Variants in GMDS observed in about 807,000 individuals in gnomAD.
GMDS encodes the protein GDP-mannose 4,6 dehydratase.
In GMDS, 20 loss-of-function variants were observed where a neutral mutation model predicts 49.9. That is an observed-to-expected ratio of 0.40 (90% CI 0.28 to 0.58). The LOEUF (loss-of-function observed/expected upper bound fraction) is 0.58. Among genes scored for constraint, GMDS ranks in the 20% least tolerant of loss-of-function variants. The pLI is 0.42. For missense variants in GMDS, 362 were observed against 481.4 expected (o/e 0.75, Z 2.32); for synonymous variants, 177 against 178.6 (o/e 0.99, Z 0.07).
At chr6:1,671,997 G>A (rs1176290673) in intron 9 of GMDS, among the ~76,000 whole-genome samples, 1 of 152,014 alleles carries the variant, frequency 6.6e-6, no homozygotes, top group Non-Finnish European at 1.5e-5. Context: ...ACTTTTAGTG[G>A]CAAAAATTGT....
intron 4 of GMDS, among the ~76,000 whole-genome samples, chr6:2,046,599 A>C (rs1471254466): frequency 6.6e-6 from 1 of 152,082 alleles, no homozygotes; most frequent in African/African-American, 2.4e-5. Flanking sequence ...AGCTGGGACT[A>C]CAAGCAGGTG....
At chr6:1,662,341 T>G (rs1039542508) in intron 9 of GMDS, among the ~76,000 whole-genome samples, 1 of 152,038 alleles carries the variant, frequency 6.6e-6, no homozygotes, top group Non-Finnish European at 1.5e-5. Context: ...ACTCTGGACG[T>G]TGGAAACAGT....
chr6:2,118,018 G>A (rs940134283), intron 2 of GMDS, among the ~76,000 whole-genome samples: 9 of 152,122 alleles, frequency 5.9e-5, no homozygotes, highest in African/African-American at 1.7e-4. Flanking sequence ...TGTATTTCTG[G>A]AGCCACAGAC....
chr6:1,733,481 G>A (rs374326619), intron 8 of GMDS, among the ~76,000 whole-genome samples: 2 of 152,196 alleles, frequency 1.3e-5, no homozygotes, highest in East Asian at 1.9e-4. Flanking sequence ...GAGGGACCCC[G>A]ATTCTGAAGG....
Position 2,080,830 on chromosome 6 carries a change from C to T in GMDS, c.345+34941G>A, listed in dbSNP as rs572138379. On this transcript the variant is annotated intron_variant, in intron 4 of 10. Coordinates refer to ENST00000380815, the MANE Select transcript of GMDS (RefSeq NM_001500.4). ...AAGATTAATTCTGGTGTCATCAGAGCTGAATTACAATACCATTCCTGTCAC... is the reference window on the plus strand; with the variant it reads ...AAGATTAATTCTGGTGTCATCAGAGTTGAATTACAATACCATTCCTGTCAC... Among the ~76,000 whole-genome samples the T allele has an allele frequency of 2.0e-5, 3 of 152,298 alleles. No individual in the cohort carries two copies. The East Asian group carries it at 5.8e-4, about 29-fold the overall frequency.
rs1234560079 is a variant in GMDS at position 1,624,362 on chromosome 6, G to A, written c.1056+110C>T. 5.4e-6 allele frequency: 7 copies of A among 1,291,842 alleles called. No individual in the cohort carries two copies. The African/African-American group carries it at 8.8e-5, about 16-fold the overall frequency. The allele number at this position is 1,291,842 out of a possible 1,614,324, so 80.0% of individuals were successfully genotyped here. A position where few individuals can be genotyped will look rare whatever the true frequency, so the allele number is the denominator to read the frequency against. ...GCTCCCCTCACTTCTCCCGCACCCCGCCTTCCGGGCTTTGGGCATCGCAGG... is the reference window on the plus strand; with the variant it reads ...GCTCCCCTCACTTCTCCCGCACCCCACCTTCCGGGCTTTGGGCATCGCAGG... On this transcript the variant is annotated intron_variant, in intron 10 of 10. Coordinates refer to ENST00000380815, the MANE Select transcript of GMDS (RefSeq NM_001500.4).
At chr6:2,017,955 G>T (rs1382507419) in intron 4 of GMDS, among the ~76,000 whole-genome samples, 2 of 152,076 alleles carry the variant, frequency 1.3e-5, no homozygotes, top group Admixed American at 6.6e-5. Flanking sequence ...ACTTGGTAAA[G>T]AATTAAGCTT....
chr6:1,919,146 TGATTAAAGATAAAGAGG>T (rs1253947515), intron 7 of GMDS, among the ~76,000 whole-genome samples: 1 of 152,152 alleles, frequency 6.6e-6, no homozygotes, highest in East Asian at 1.9e-4. Flanking sequence ...TTGGGAGGGA[TGATTAAAGATAAAGAGG>T]GATAGGATCC....
chr6:1,746,745 A>T (rs1196678572), intron 7 of GMDS, among the ~76,000 whole-genome samples: 1 of 152,012 alleles, frequency 6.6e-6, no homozygotes, highest in Non-Finnish European at 1.5e-5. Flanking sequence ...TCTGTCGCCC[A>T]GGCTGGAGTA....
chr6:1,996,126 C>T (rs1426441759), intron 4 of GMDS, among the ~76,000 whole-genome samples: 1 of 151,316 alleles, frequency 6.6e-6, no homozygotes, highest in Non-Finnish European at 1.5e-5. Context: ...CCTCCTCCTT[C>T]CTCCTTCCTC....
At chr6:1,733,976 G>A (rs751811899) in intron 8 of GMDS, among the ~76,000 whole-genome samples, 2 of 152,214 alleles carry the variant, frequency 1.3e-5, no homozygotes, top group African/African-American at 2.4e-5. Context: ...GCATCGGGGC[G>A]ACCTGCTAGT....
chr6:1,730,335 A>C (rs1766741982), intron 8 of GMDS, among the ~76,000 whole-genome samples: 1 of 152,252 alleles, frequency 6.6e-6, no homozygotes, highest in Non-Finnish European at 1.5e-5. Context: ...TGGAAGCTGG[A>C]AAGCAGATGG....
At chr6:1,787,794 G>A (rs1483092959) in intron 7 of GMDS, among the ~76,000 whole-genome samples, 6 of 152,314 alleles carry the variant, frequency 3.9e-5, no homozygotes, top group African/African-American at 1.4e-4. Context: ...GATTTTGTTT[G>A]GAATATTTTT....
chr6:1,971,264 T>C (rs1315223941), intron 4 of GMDS, among the ~76,000 whole-genome samples: 1 of 152,188 alleles, frequency 6.6e-6, no homozygotes, highest in Non-Finnish European at 1.5e-5. Flanking sequence ...ACCAGTGCTA[T>C]ACTCCCAGCC....
chr6:2,123,190 C>CCTGTCA (rs1275583463), intron 2 of GMDS, among the ~76,000 whole-genome samples: 1 of 152,136 alleles, frequency 6.6e-6, no homozygotes, highest in Non-Finnish European at 1.5e-5. Flanking sequence ...CCAAACTCGC[C>CCTGTCA]CTGTCACTGT....
At chr6:1,871,877 T>C (rs1032104295) in intron 7 of GMDS, among the ~76,000 whole-genome samples, 1 of 152,252 alleles carries the variant, frequency 6.6e-6, no homozygotes, top group Non-Finnish European at 1.5e-5. Context: ...CTTTTGTGAA[T>C]GAGGACGAAG....
At chr6:2,109,542 T>A (rs549564099) in intron 4 of GMDS, among the ~76,000 whole-genome samples, 1 of 152,156 alleles carries the variant, frequency 6.6e-6, no homozygotes, top group East Asian at 1.9e-4. Flanking sequence ...CTTAGGGTCA[T>A]GTAGTGAGCA....
chr6:1,911,533 G>A (rs1236877580), intron 7 of GMDS, among the ~76,000 whole-genome samples: 7 of 150,904 alleles, frequency 4.6e-5, no homozygotes, highest in Non-Finnish European at 1.0e-4. Flanking sequence ...TAATTTCCTT[G>A]TGCCTGTTCT....
At position 2,191,820 on chromosome 6, in the gene GMDS, G is replaced by A. The variant is rs1779032549; in HGVS notation, c.102+53501C>T. On this transcript the variant is annotated intron_variant, in intron 1 of 10. Coordinates refer to ENST00000380815, the MANE Select transcript of GMDS (RefSeq NM_001500.4). This position sits in a 1 kb window ranked among gnomAD's most constrained non-coding sequence, Gnocchi z 4.6. ...ATGGCAGGAAGCAGACAGGCTCCGG[G>A]GTGGAAGGGGGTAGGTCCCTGGTGA... is the stretch of plus-strand genomic sequence containing the variant. Among the ~76,000 whole-genome samples the A allele has an allele frequency of 6.6e-6, 1 of 152,178 alleles. No individual in the cohort carries two copies. Among genetic ancestry groups the A allele is most frequent in the Non-Finnish European group, 1.5e-5 (1 of 68,016 alleles).
Sources: allele counts gnomAD v4.1 joint callset (sites outside exome capture counted in the v4.1 genomes callset), GRCh38; gene constraint gnomAD v4.1.1; non-coding constraint Gnocchi (gnomAD v3.1); transcripts MANE v1.5; gene names NCBI Gene and HGNC (gene_info 2026-07-23, HGNC 2026-07-21).